Variants in HOATZ observed in about 807,000 individuals in gnomAD.
HOATZ encodes the protein HOATZ cilia and flagella associated protein.
HOATZ carries 26 observed loss-of-function variants against 24.9 expected under a neutral mutation model. That is an observed-to-expected ratio of 1.04 (90% CI 0.76 to 1.45). The LOEUF is 1.45. Ranked by LOEUF, HOATZ falls within the 40% of genes most tolerant of loss-of-function variation. The probability of loss-of-function intolerance (pLI) is 0.00; values close to 1 mark genes in which losing one functional copy is unlikely to be tolerated. For synonymous variants in HOATZ, 83 were observed against 76.6 expected, an observed-to-expected ratio of 1.08 and a Z score of -0.43; for missense variants, 226 against 201.5, an observed-to-expected ratio of 1.12 and a Z score of -0.74.
At chr11:111,534,763 T>C (rs74950190) in intron 5 of HOATZ, 7,069 of 302,500 alleles carry the variant, frequency 0.023, 476 homozygotes, top group African/African-American at 0.14. Context: ...TAATCACCCA[T>C]CATCATGCCC....
At chr11:111,518,741 A>G (rs1867235297) in intron 3 of HOATZ, among the ~76,000 whole-genome samples, 4 of 152,226 alleles carry the variant, frequency 2.6e-5, no homozygotes, top group South Asian at 2.1e-4. Flanking sequence ...GAGAAGCACT[A>G]TTTCCAGCTC....
rs12276050 is a variant in HOATZ, at chr11:111,520,919, T to C, written c.339+4809T>C. Reference sequence around the variant, plus strand: ...TCATTATTAGTTATTGTTAATCTCTTACTGTCTCTAATTTACAAATTAAAC... The same window carrying C: ...TCATTATTAGTTATTGTTAATCTCTCACTGTCTCTAATTTACAAATTAAAC... On this transcript the variant is annotated intron_variant, in intron 3 of 5. Coordinates refer to ENST00000375618, the MANE Select transcript of HOATZ (RefSeq NM_001100388.2). Among the ~76,000 whole-genome samples the C allele has an allele frequency of 3.5e-3, 527 of 152,322 alleles. 4 individuals carry two copies. The highest frequency in any genetic ancestry group is 0.012 in the African/African-American group (501 of 41,570).
rs1867455658 is a variant in HOATZ, at chr11:111,536,819, T to C, written c.502T>C (p.Leu168=). The C allele has an allele frequency of 1.9e-6, 3 of 1,613,464 alleles. No homozygotes were observed. The highest frequency in any genetic ancestry group is 1.1e-5 in the South Asian group (1 of 91,058). The change falls in exon 6 of 6, where the codon TTG becomes CTG. Residue 168 remains leucine (L), a synonymous_variant. Transcript: ENST00000375618. The part of the protein sequence containing the change: ...DKEDQEEVKT[L]D ...AGAGGACCAAGAAGAAGTCAAAACT[T>C]TGGACTAATTTGCTTGACACATGGC...
chr11:111,517,759 C>T (rs148559579), intron 3 of HOATZ, among the ~76,000 whole-genome samples: 244 of 152,220 alleles, frequency 1.6e-3, no homozygotes, highest in Admixed American at 2.6e-3. Context: ...AAGAAAGCTT[C>T]CCAAAGGTGC....
Position 111,519,022 on chromosome 11 carries a change from T to C in HOATZ, c.339+2912T>C, listed in dbSNP as rs143610825. ...CTTTCCTGCTAGATTACAGGCACCATAGTGTAGTAGATTTTGGAGACAACA... is the reference window on the plus strand; with the variant it reads ...CTTTCCTGCTAGATTACAGGCACCACAGTGTAGTAGATTTTGGAGACAACA... On this transcript the variant is annotated intron_variant, in intron 3 of 5. Transcript: ENST00000375618. 45 of 456,126 alleles carry C rather than the reference T, an allele frequency of 9.9e-5. No homozygotes were observed. The East Asian group carries it at 2.5e-3, about 25-fold the overall frequency. The allele number at this position is 456,126 out of a possible 1,614,324, so 28.3% of individuals were successfully genotyped here.
chr11:111,519,722 T>C (rs12361429), intron 3 of HOATZ, among the ~76,000 whole-genome samples: 5,706 of 152,306 alleles, frequency 0.037, 124 homozygotes, highest in Middle Eastern at 0.065. Context: ...ATCTTCTACA[T>C]GTTTTGAACA....
At chr11:111,521,285 G>A (rs1168186079) in intron 3 of HOATZ, among the ~76,000 whole-genome samples, 6 of 152,092 alleles carry the variant, frequency 3.9e-5, no homozygotes, top group Non-Finnish European at 7.4e-5. Flanking sequence ...TAGACACTGA[G>A]TCATGAAAGT....
At chr11:111,536,683 G>C in intron 5 of HOATZ, 87 bp from the exon 6 acceptor site, 1 of 1,090,226 alleles carries the variant, frequency 9.2e-7, no homozygotes. Flanking sequence ...TTTATTGGGA[G>C]AATTTTCAAA....
In HOATZ at chr11:111,523,205, CTTTT is replaced by C. The variant is rs747393521; in HGVS notation, c.339+7115_339+7118del. On this transcript the variant is annotated intron_variant, in intron 3 of 5. Coordinates refer to ENST00000375618, the MANE Select transcript of HOATZ (RefSeq NM_001100388.2). The stretch of plus-strand genomic sequence containing the variant: ...TTTGTCATTTCATGCTAAGTGTTCA[CTTTT>C]TTTTTTTTTTTTTTTTTTTGGTGAC... Among the ~76,000 whole-genome samples the C allele has an allele frequency of 6.0e-4, 57 of 94,274 alleles. 1 individual carries two copies. Among genetic ancestry groups the C allele is most frequent in the African/African-American group, 2.1e-3 (54 of 25,400 alleles). The allele number at this position is 94,274 out of a possible 152,430, so 61.8% of individuals were successfully genotyped here.
rs761081849 is a variant in HOATZ, at chr11:111,515,029, T to C, written c.226+19T>C. 1 of 1,582,630 alleles carries C rather than the reference T, an allele frequency of 6.3e-7. No homozygotes were observed. The highest frequency in any genetic ancestry group is 2.2e-5 in the East Asian group (1 of 44,730). ...GGGTCTGGTGAGTAGAATAGCGGCC[T>C]CCTGTCAGTCATATCTGCCTCACCG... On this transcript the variant is annotated intron_variant, in intron 1 of 5. Coordinates refer to ENST00000375618, the MANE Select transcript of HOATZ (RefSeq NM_001100388.2).
chr11:111,517,231 CT>C (rs150664288), intron 3 of HOATZ, among the ~76,000 whole-genome samples: 1,703 of 152,134 alleles, frequency 0.011, 35 homozygotes, highest in African/African-American at 0.039. Flanking sequence ...ATATTATGTA[CT>C]GTATATTTAT....
intron 5 of HOATZ, 66 bp from the exon 6 acceptor site, chr11:111,536,704 A>G: frequency 7.7e-7 from 1 of 1,295,372 alleles, no homozygotes; most frequent in Non-Finnish European, 1.1e-6. Flanking sequence ...AGTTGTTTTC[A>G]TGCTACATCA....
rs12270454 is a variant in HOATZ at position 111,534,395 on chromosome 11, A to G, written c.400-17A>G. Reference sequence around the variant, plus strand: ...GTAAAATTTTACCTTTTTGATTTTTATTTTGTTTTGTTTCAGAAAGAACTG... The same window carrying G: ...GTAAAATTTTACCTTTTTGATTTTTGTTTTGTTTTGTTTCAGAAAGAACTG... On this transcript the variant is annotated splice_polypyrimidine_tract_variant and intron_variant, in intron 4 of 5. Coordinates refer to ENST00000375618, the MANE Select transcript of HOATZ (RefSeq NM_001100388.2). 19,441 of 1,595,132 alleles carry G rather than the reference A, an allele frequency of 0.012. 1,915 individuals carry two copies. In the African/African-American group the frequency reaches 0.22, roughly 18 times the overall value.
rs1236878811 is a variant in HOATZ, at chr11:111,515,526, C to T, written c.242C>T (p.Ser81Leu). ...TATTTTTTAGAAAACAGCCACTCCT[C>T]GCAGTCTTTTCACCTTGCGAGTAAC... ...RSRGSENSHS[S>L]QSFHLASNKN... The change falls in exon 2 of 6, where the codon TCG becomes TTG. Residue 81 changes from serine (S) to leucine (L), a missense_variant. Coordinates refer to ENST00000375618, the MANE Select transcript of HOATZ (RefSeq NM_001100388.2). 5.0e-6 allele frequency: 8 copies of T among 1,613,438 alleles called. No individual in the cohort carries two copies. Among genetic ancestry groups the T allele is most frequent in the Non-Finnish European group, 5.9e-6 (7 of 1,179,502 alleles).
At chr11:111,520,721 T>C (rs1454547258) in intron 3 of HOATZ, among the ~76,000 whole-genome samples, 1 of 152,240 alleles carries the variant, frequency 6.6e-6, no homozygotes, top group Non-Finnish European at 1.5e-5. Context: ...TTTAAATTGC[T>C]TGCCATTCCA....
intron 1 of HOATZ, 60 bp downstream of exon 1, chr11:111,515,070 T>G: frequency 2.4e-5 from 28 of 1,179,046 alleles, no homozygotes; most frequent in Non-Finnish European, 3.3e-5. Flanking sequence ...GGCCTGCAGG[T>G]ACCAGAGCCC....
intron 3 of HOATZ, among the ~76,000 whole-genome samples, chr11:111,518,746 C>T (rs1230994547): frequency 6.6e-6 from 1 of 152,180 alleles, no homozygotes; most frequent in Non-Finnish European, 1.5e-5. Flanking sequence ...GCACTATTTC[C>T]AGCTCTGGAA....
chr11:111,515,011 G>A lies in HOATZ; in HGVS notation c.226+1G>A. 1 of 1,610,132 alleles carries A rather than the reference G, an allele frequency of 6.2e-7. No homozygotes were observed. Among genetic ancestry groups the A allele is most frequent in the Non-Finnish European group, 8.5e-7 (1 of 1,177,920 alleles). On this transcript the variant is annotated splice_donor_variant, in intron 1 of 5. Transcript: ENST00000375618. LOFTEE classifies it high-confidence loss of function. ...CGGCCCAGGAGGAGCAGAGGGTCTGGTGAGTAGAATAGCGGCCTCCTGTCA... is the reference window on the plus strand; with the variant it reads ...CGGCCCAGGAGGAGCAGAGGGTCTGATGAGTAGAATAGCGGCCTCCTGTCA...
intron 3 of HOATZ, among the ~76,000 whole-genome samples, chr11:111,530,258 A>C (rs188308608): frequency 6.6e-6 from 1 of 152,332 alleles, no homozygotes; most frequent in African/African-American, 2.4e-5. Context: ...GTCAGTGATT[A>C]CTGCATAGTT....
Sources: gnomAD v4.1 joint callset for allele counts (sites outside exome capture counted in the v4.1 genomes callset) on GRCh38, gnomAD v4.1.1 for gene constraint, MANE v1.5 for transcripts, NCBI Gene and HGNC (gene_info 2026-07-23, HGNC 2026-07-21) for gene names.